Variants in NALF1 observed in about 807,000 individuals in gnomAD.
NALF1 encodes the protein family with sequence similarity 155 member A.
NALF1 carries 3 observed loss-of-function variants against 48.4 expected under a neutral mutation model. The ratio of observed to expected loss-of-function variants is 0.06; its 90% CI spans 0.03 to 0.16. NALF1 has a LOEUF of 0.16. NALF1 is among the 10% of genes least tolerant of loss of function. The probability of loss-of-function intolerance (pLI) is 1.00; values close to 1 mark genes in which losing one functional copy is unlikely to be tolerated. For synonymous variants in NALF1, 262 were observed against 245.7 expected, an observed-to-expected ratio of 1.07 and a Z score of -0.62; for missense variants, 526 against 571.5, an observed-to-expected ratio of 0.92 and a Z score of 0.81.
intron 1 of NALF1, among the ~76,000 whole-genome samples, chr13:107,265,975 G>T (rs915089516): frequency 1.3e-5 from 2 of 152,140 alleles, no homozygotes; most frequent in Non-Finnish European, 2.9e-5. Flanking sequence ...TATTTCAGAT[G>T]CTCTCTTGTT....
At chr13:107,723,599 T>C (rs532984072) in intron 1 of NALF1, among the ~76,000 whole-genome samples, 3 of 152,168 alleles carry the variant, frequency 2.0e-5, no homozygotes. Flanking sequence ...CAGGAGAGAA[T>C]ATTGCAGGCC....
chr13:107,853,710 C>A lies in NALF1; in HGVS notation c.915+11972G>T, dbSNP rs564512710. ...TAAGACATAAATATCAATAGACTTT[C>A]CTAATGTTCCACAGATTCTGCAGTT... On this transcript the variant is annotated intron_variant, in intron 1 of 2. Coordinates refer to ENST00000375915, the MANE Select transcript of NALF1 (RefSeq NM_001080396.3). Among the ~76,000 whole-genome samples, 13 of 152,232 alleles carry A rather than the reference C, an allele frequency of 8.5e-5. No individual in the cohort carries two copies. The South Asian group carries it at 1.4e-3, about 17-fold the overall frequency.
intron 1 of NALF1, among the ~76,000 whole-genome samples, chr13:107,526,653 T>C (rs557357451): frequency 4.0e-4 from 61 of 152,266 alleles, no homozygotes; most frequent in African/African-American, 1.4e-3. Context: ...GTTTTATCAA[T>C]ATAATTGATA....
intron 1 of NALF1, among the ~76,000 whole-genome samples, chr13:107,820,869 T>C (rs1205225774): frequency 6.6e-6 from 1 of 152,184 alleles, no homozygotes; most frequent in Non-Finnish European, 1.5e-5. Context: ...GGCAGCAAAA[T>C]GCCCCTGCCA....
At chr13:107,298,917 G>A (rs532811837) in intron 1 of NALF1, among the ~76,000 whole-genome samples, 16 of 152,064 alleles carry the variant, frequency 1.1e-4, no homozygotes, top group Admixed American at 1.0e-3. Context: ...TTAAATCTGA[G>A]AGTCTCTCCA....
chr13:107,502,231 C>T lies in NALF1; in HGVS notation c.916-291476G>A, dbSNP rs551058441. Among the ~76,000 whole-genome samples, 5 of 152,148 alleles carry T rather than the reference C, an allele frequency of 3.3e-5. No individual in the cohort carries two copies. In the South Asian group the frequency reaches 1.0e-3, roughly 32 times the overall value. On this transcript the variant is annotated intron_variant, in intron 1 of 2. Coordinates refer to ENST00000375915, the MANE Select transcript of NALF1 (RefSeq NM_001080396.3). ...TAGTAGTGTAAGATTTAGAAAAATACAGTTCATATTATGTTTTATTCCAAA... is the reference window on the plus strand; with the variant it reads ...TAGTAGTGTAAGATTTAGAAAAATATAGTTCATATTATGTTTTATTCCAAA...
intron 1 of NALF1, among the ~76,000 whole-genome samples, chr13:107,354,850 T>A (rs1218902425): frequency 6.6e-6 from 1 of 152,176 alleles, no homozygotes; most frequent in Non-Finnish European, 1.5e-5. Context: ...GCTTCCCATC[T>A]GCAATGGCAT....
chr13:107,752,963 C>A (rs908203491), intron 1 of NALF1, among the ~76,000 whole-genome samples: 3 of 152,196 alleles, frequency 2.0e-5, no homozygotes, highest in African/African-American at 7.2e-5. Context: ...TCCAAGTAGA[C>A]TTGTGTTACC....
At position 107,168,538 on chromosome 13, in the gene NALF1, TTGG is replaced by T. The variant is rs1422179508; in HGVS notation, c.*1956_*1958del. On this transcript the variant is annotated 3_prime_UTR_variant, in exon 3 of 3. Coordinates refer to ENST00000375915, the MANE Select transcript of NALF1 (RefSeq NM_001080396.3). Reference sequence around the variant, plus strand: ...ACAAAAACGGGAGAATTTTGCATTTTTGGTGTTTTCTTTTTTTTTGTATTTGCG... The same window carrying T: ...ACAAAAACGGGAGAATTTTGCATTTTTGTTTTCTTTTTTTTTGTATTTGCG... 6.7e-6 allele frequency: 1 copy of T among 149,356 alleles called. No individual in the cohort carries two copies. Among genetic ancestry groups the T allele is most frequent in the Non-Finnish European group, 1.5e-5 (1 of 67,332 alleles). 9.3% of individuals were successfully genotyped at this position (149,356 alleles called of 1,614,324 possible).
At chr13:107,537,681 C>T (rs1389009394) in intron 1 of NALF1, among the ~76,000 whole-genome samples, 1 of 152,088 alleles carries the variant, frequency 6.6e-6, no homozygotes, top group Non-Finnish European at 1.5e-5. Flanking sequence ...GGCAGTGGCA[C>T]TGAGTGTGGC....
At chr13:107,726,751 A>G (rs1876163090) in intron 1 of NALF1, among the ~76,000 whole-genome samples, 1 of 151,196 alleles carries the variant, frequency 6.6e-6, no homozygotes, top group Admixed American at 6.6e-5. Context: ...CTAGGACTAC[A>G]AGGCACAGGC....
intron 1 of NALF1, among the ~76,000 whole-genome samples, chr13:107,492,136 C>T (rs576098771): frequency 6.6e-6 from 1 of 150,982 alleles, no homozygotes; most frequent in African/African-American, 2.4e-5. Context: ...CTGCAACCTC[C>T]ACCTCCTGGG....
chr13:107,728,566 A>T (rs1278452260), intron 1 of NALF1, among the ~76,000 whole-genome samples: 2 of 151,946 alleles, frequency 1.3e-5, no homozygotes, highest in Admixed American at 1.3e-4. Context: ...CAGCATTAGG[A>T]CAAATACCTA....
At chr13:107,625,995 T>A (rs1313231868) in intron 1 of NALF1, among the ~76,000 whole-genome samples, 2 of 152,104 alleles carry the variant, frequency 1.3e-5, no homozygotes, top group Admixed American at 1.3e-4. Flanking sequence ...ATAATGCTTA[T>A]TTTAAAAGAA....
At chr13:107,397,039 T>C (rs1883725143) in intron 1 of NALF1, among the ~76,000 whole-genome samples, 1 of 152,168 alleles carries the variant, frequency 6.6e-6, no homozygotes, top group African/African-American at 2.4e-5. Flanking sequence ...AGCACTACCC[T>C]TGGTGGAAGG....
At chr13:107,184,796 G>A (rs902755622) in intron 2 of NALF1, among the ~76,000 whole-genome samples, 10 of 151,900 alleles carry the variant, frequency 6.6e-5, no homozygotes, top group African/African-American at 2.4e-4. Context: ...CCTTTTTTAT[G>A]TCAAGTATAT....
At chr13:107,781,227 CA>C (rs1388135849) in intron 1 of NALF1, among the ~76,000 whole-genome samples, 2 of 151,850 alleles carry the variant, frequency 1.3e-5, no homozygotes, top group African/African-American at 2.4e-5. Flanking sequence ...GATGCCTCTG[CA>C]AAAAAAGAAT....
At chr13:107,337,415 G>A (rs552105085) in intron 1 of NALF1, among the ~76,000 whole-genome samples, 1 of 152,088 alleles carries the variant, frequency 6.6e-6, no homozygotes, top group South Asian at 2.1e-4. Context: ...TCTTTTAAAT[G>A]TATCATCTCT....
intron 1 of NALF1, among the ~76,000 whole-genome samples, chr13:107,355,850 A>T (rs1448744862): frequency 6.6e-6 from 1 of 152,184 alleles, no homozygotes. Flanking sequence ...TGTGCAGAAA[A>T]TGTTGACTGG....
Sources: allele counts gnomAD v4.1 joint callset (sites outside exome capture counted in the v4.1 genomes callset), GRCh38; gene constraint gnomAD v4.1.1; transcripts MANE v1.5; gene names NCBI Gene and HGNC (gene_info 2026-07-23, HGNC 2026-07-21).